Variants in PDE1C observed in about 807,000 individuals in gnomAD.
PDE1C encodes the protein phosphodiesterase 1C.
A neutral mutation model predicts 93.1 loss-of-function variants in PDE1C; 62 were observed. That is an observed-to-expected ratio of 0.67 (90% CI 0.54 to 0.82). The LOEUF (loss-of-function observed/expected upper bound fraction) is 0.82. Ranked by LOEUF, PDE1C falls within the 40% of genes least tolerant of loss-of-function variation. The pLI, the probability that PDE1C is intolerant of heterozygous loss-of-function variation, is 0.00. For missense variants in PDE1C, 742 were observed against 884.6 expected, an observed-to-expected ratio of 0.84 and a Z score of 2.04; for synonymous variants, 325 against 310.1, an observed-to-expected ratio of 1.05 and a Z score of -0.50.
intron 2 of PDE1C, among the ~76,000 whole-genome samples, chr7:32,031,376 T>C (rs968281299): frequency 1.3e-5 from 2 of 152,178 alleles, no homozygotes; most frequent in African/African-American, 4.8e-5. Flanking sequence ...CCCAGAAAGA[T>C]TAAGTAACTT....
the PDE1C span, among the ~76,000 whole-genome samples, chr7:31,725,744 C>T: frequency 6.6e-6 from 1 of 152,124 alleles, no homozygotes; most frequent in Non-Finnish European, 1.5e-5. Flanking sequence ...CATATTACTT[C>T]TTACAGCTGC....
intron 2 of PDE1C, among the ~76,000 whole-genome samples, chr7:31,946,694 C>T (rs1584122675): frequency 6.6e-6 from 1 of 152,340 alleles, no homozygotes; most frequent in East Asian, 1.9e-4. Context: ...GCTCCCAGAG[C>T]TCGGAGCCTT....
At chr7:32,358,435 G>A (rs1435948466) in intron 1 of PDE1C, among the ~76,000 whole-genome samples, 1 of 152,188 alleles carries the variant, frequency 6.6e-6, no homozygotes, top group Non-Finnish European at 1.5e-5. Flanking sequence ...TTGGCAAGAG[G>A]AGTTGATAAT....
At chr7:32,324,992 G>A (rs62457539) in intron 1 of PDE1C, among the ~76,000 whole-genome samples, 11,441 of 152,214 alleles carry the variant, frequency 0.075, 490 homozygotes, top group Non-Finnish European at 0.092. Flanking sequence ...CTCCAAGATA[G>A]GAGCATTTCC....
rs375493335 is a variant in PDE1C, at chr7:31,777,391, C to T, written c.1892-1659G>A. Among the ~76,000 whole-genome samples, 10 of 152,028 alleles carry T rather than the reference C, an allele frequency of 6.6e-5. No individual in the cohort carries two copies. In the South Asian group the frequency reaches 1.5e-3, roughly 22 times the overall value. ...TTGCCCAGGCTGGAGTGCAGTGATG[C>T]GATCTCGACTCACTGCAAGCTCCGT... On this transcript the variant is annotated intron_variant, in intron 16 of 17. Transcript: ENST00000396191.
intron 16 of PDE1C, among the ~76,000 whole-genome samples, 196 bp downstream of exon 16, chr7:31,808,835 T>C (rs1320843887): frequency 1.3e-5 from 2 of 151,564 alleles, no homozygotes; most frequent in Non-Finnish European, 2.9e-5. Flanking sequence ...GAAAGTGGGG[T>C]GAAGGGGAAG....
intron 1 of PDE1C, among the ~76,000 whole-genome samples, chr7:32,267,578 A>AC (rs1035792064): frequency 1.8e-3 from 113 of 64,426 alleles, no homozygotes; most frequent in African/African-American, 4.9e-3. Flanking sequence ...TCTCTCACAC[A>AC]CACACACACT....
At chr7:32,303,651 T>A (rs1812929732), upstream of PDE1C, among the ~76,000 whole-genome samples, 2 of 152,136 alleles carry the variant, frequency 1.3e-5, no homozygotes, top group South Asian at 4.1e-4. Context: ...AGATAAAAAG[T>A]GTGTGCTTAC....
At chr7:31,759,147 C>T (rs1274953323) in intron 17 of PDE1C, among the ~76,000 whole-genome samples, 2 of 152,166 alleles carry the variant, frequency 1.3e-5, no homozygotes, top group African/African-American at 4.8e-5. Flanking sequence ...AGGAAAATTT[C>T]GTACATTGCT....
At chr7:31,999,685 G>C (rs1255092264) in intron 2 of PDE1C, among the ~76,000 whole-genome samples, 1 of 152,130 alleles carries the variant, frequency 6.6e-6, no homozygotes, top group Non-Finnish European at 1.5e-5. Context: ...ATGAACTCAA[G>C]GTGAGATATC....
At chr7:32,310,016 C>A (rs1433228630) in intron 1 of PDE1C, among the ~76,000 whole-genome samples, 1 of 152,084 alleles carries the variant, frequency 6.6e-6, no homozygotes, top group Non-Finnish European at 1.5e-5. Flanking sequence ...ATGTCATGTG[C>A]AGAGACACAC....
At chr7:32,249,523 G>T (rs1253874656) in intron 1 of PDE1C, among the ~76,000 whole-genome samples, 1 of 152,128 alleles carries the variant, frequency 6.6e-6, no homozygotes, top group African/African-American at 2.4e-5. Flanking sequence ...TAAAAAGGCT[G>T]TTCATGCCTG....
At chr7:32,025,103 A>G (rs930512811) in intron 2 of PDE1C, among the ~76,000 whole-genome samples, 15 of 152,250 alleles carry the variant, frequency 9.9e-5, no homozygotes, top group Non-Finnish European at 2.1e-4. Context: ...GCCGACCCCC[A>G]GGGTCAAAGC....
intron 1 of PDE1C, among the ~76,000 whole-genome samples, chr7:32,323,625 C>T (rs551045235): frequency 9.2e-5 from 14 of 152,168 alleles, no homozygotes; most frequent in African/African-American, 2.4e-4. Flanking sequence ...ATGTCAACCA[C>T]GGAACCAAGT....
intron 2 of PDE1C, among the ~76,000 whole-genome samples, chr7:31,983,028 C>T (rs1411450275): frequency 2.0e-5 from 3 of 152,176 alleles, no homozygotes; most frequent in African/African-American, 7.2e-5. Flanking sequence ...GACTTAAAAT[C>T]GTTAGGGAAA....
At chr7:32,288,399 T>C (rs1812135521) in intron 1 of PDE1C, among the ~76,000 whole-genome samples, 1 of 152,170 alleles carries the variant, frequency 6.6e-6, no homozygotes, top group African/African-American at 2.4e-5. Flanking sequence ...CTCCTTGAAA[T>C]AGTCACTAAG....
At chr7:31,855,712 AAAAAAT>A (rs1259295292) in intron 7 of PDE1C, among the ~76,000 whole-genome samples, 1 of 148,724 alleles carries the variant, frequency 6.7e-6, no homozygotes, top group African/African-American at 2.4e-5. Flanking sequence ...TAAAATAAAT[AAAAAAT>A]AAAAATAAAA....
chr7:31,789,920 G>C, intron 16 of PDE1C: 1 of 1,135,100 alleles, frequency 8.8e-7, no homozygotes, highest in Non-Finnish European at 1.1e-6. Flanking sequence ...CAGATGCCTT[G>C]AAAGCCAGGT....
chr7:31,698,867 T>A, the PDE1C span, among the ~76,000 whole-genome samples: 10 of 152,132 alleles, frequency 6.6e-5, no homozygotes, highest in Non-Finnish European at 1.2e-4. Context: ...TGTGGGTGTG[T>A]CATGGGGGTA....
Sources: allele counts gnomAD v4.1 joint callset (sites outside exome capture counted in the v4.1 genomes callset), GRCh38; gene constraint gnomAD v4.1.1; transcripts MANE v1.5; gene names NCBI Gene and HGNC (gene_info 2026-07-23, HGNC 2026-07-21).